TENM2: variants seen among roughly 807,000 people sequenced by gnomAD.
The protein encoded by TENM2 is teneurin transmembrane protein 2.
In TENM2, 52 loss-of-function variants were observed where a neutral mutation model predicts 245.2. The observed-to-expected ratio is 0.21, with a 90% CI of 0.17 to 0.27. The LOEUF is 0.27. Among genes scored for constraint, TENM2 ranks in the 10% least tolerant of loss-of-function variants. The pLI, the probability that TENM2 is intolerant of heterozygous loss-of-function variation, is 1.00. For synonymous variants in TENM2, 1,363 were observed against 1,438.9 expected (o/e 0.95, Z 1.19); for missense variants, 3,046 against 3,666.8 (o/e 0.83, Z 4.37).
intron 2 of TENM2, among the ~76,000 whole-genome samples, chr5:167,407,025 A>G (rs1561930210): frequency 6.6e-6 from 1 of 152,294 alleles, no homozygotes; most frequent in Non-Finnish European, 1.5e-5. Flanking sequence ...CACAGCAGCA[A>G]TTGAGATGAG....
intron 2 of TENM2, among the ~76,000 whole-genome samples, chr5:167,382,279 G>A (rs967435663): frequency 1.3e-5 from 2 of 152,152 alleles, no homozygotes; most frequent in East Asian, 3.9e-4. Context: ...TCCAGCAAAT[G>A]GTTTATGGGG....
intron 2 of TENM2, among the ~76,000 whole-genome samples, chr5:167,527,245 G>A (rs987642837): frequency 6.6e-6 from 1 of 152,224 alleles, no homozygotes; most frequent in Non-Finnish European, 1.5e-5. Context: ...AGGCCCTCAT[G>A]CACAGGCAAG....
At chr5:167,840,433 A>G (rs997763502) in intron 2 of TENM2, among the ~76,000 whole-genome samples, 3 of 152,226 alleles carry the variant, frequency 2.0e-5, no homozygotes, top group Non-Finnish European at 2.9e-5. Flanking sequence ...AGATCCTGTT[A>G]TAACTGAATG....
At chr5:167,003,600 G>A in the TENM2 span, among the ~76,000 whole-genome samples, 56 of 152,246 alleles carry the variant, frequency 3.7e-4, no homozygotes, top group African/African-American at 1.3e-3. Context: ...GTGTGTGTTT[G>A]TGATTGACAA....
chr5:168,228,895 CA>C lies in TENM2; in HGVS notation c.5520+766del, dbSNP rs752408957. Among the ~76,000 whole-genome samples the C allele has an allele frequency of 3.0e-3, 437 of 147,016 alleles. 2 individuals are homozygous for C. The highest frequency in any genetic ancestry group is 5.5e-3 in the Admixed American group (81 of 14,662). On this transcript the variant is annotated intron_variant, in intron 25 of 28. Transcript: ENST00000518659. ...TATTATATAATGTAATTTTATATTA[CA>C]TTTTTATATTATAATGTAAACCCTA...
intron 2 of TENM2, among the ~76,000 whole-genome samples, chr5:167,617,758 A>G (rs955651176): frequency 1.3e-5 from 2 of 152,284 alleles, no homozygotes. Flanking sequence ...GTGAATATTC[A>G]AATGGAAAGA....
chr5:167,977,829 G>A lies in TENM2; in HGVS notation c.948-15115G>A, dbSNP rs867985220. ...GTTAACCATTTTATGACCATATTAT[G>A]TAGTTGGGATGTTTGTCCTCTCCAT... On this transcript the variant is annotated intron_variant, in intron 4 of 28. Coordinates refer to ENST00000518659, the Ensembl canonical transcript of TENM2. Among the ~76,000 whole-genome samples, 4 of 152,288 alleles carry A rather than the reference G, an allele frequency of 2.6e-5. No individual in the cohort carries two copies. In the South Asian group the frequency reaches 6.2e-4, roughly 24 times the overall value.
At chr5:167,962,386 A>C (rs1781080538) in intron 4 of TENM2, among the ~76,000 whole-genome samples, 2 of 152,236 alleles carry the variant, frequency 1.3e-5, no homozygotes, top group Non-Finnish European at 2.9e-5. Context: ...AGTTGTTGGC[A>C]GAAATCCAGC....
At chr5:167,087,410 G>A in the TENM2 span, among the ~76,000 whole-genome samples, 18 of 152,276 alleles carry the variant, frequency 1.2e-4, no homozygotes, top group African/African-American at 4.3e-4. Flanking sequence ...AAACTTGGCA[G>A]TCTTTCTGGT....
At chr5:167,323,492 G>A (rs1756892072) in intron 1 of TENM2, among the ~76,000 whole-genome samples, 1 of 152,042 alleles carries the variant, frequency 6.6e-6, no homozygotes, top group Non-Finnish European at 1.5e-5. Flanking sequence ...GTGCTGAGAT[G>A]TGTCCTCTGA....
chr5:167,343,219 G>T (rs976802381), intron 1 of TENM2, among the ~76,000 whole-genome samples: 1 of 152,000 alleles, frequency 6.6e-6, no homozygotes, highest in Non-Finnish European at 1.5e-5. Flanking sequence ...TTGCTTTCTG[G>T]AATTACAGGG....
At chr5:167,884,478 A>G (rs1774126990) in intron 3 of TENM2, among the ~76,000 whole-genome samples, 1 of 152,162 alleles carries the variant, frequency 6.6e-6, no homozygotes, top group African/African-American at 2.4e-5. Flanking sequence ...GGTACCTCAT[A>G]TCAATGGAAT....
intron 2 of TENM2, among the ~76,000 whole-genome samples, chr5:167,862,017 T>A (rs1464450906): frequency 6.6e-6 from 1 of 152,222 alleles, no homozygotes; most frequent in Non-Finnish European, 1.5e-5. Context: ...TCTAATTGTT[T>A]CCTGACACAT....
the TENM2 span, among the ~76,000 whole-genome samples, chr5:167,102,918 C>T: frequency 2.0e-5 from 3 of 152,164 alleles, no homozygotes; most frequent in East Asian, 1.9e-4. Context: ...CCTCGGCCTC[C>T]GAAAGTGCCG....
At chr5:167,788,745 T>G (rs1244262333) in intron 2 of TENM2, among the ~76,000 whole-genome samples, 1 of 152,176 alleles carries the variant, frequency 6.6e-6, no homozygotes, top group Admixed American at 6.5e-5. Flanking sequence ...GGTCCAGTCT[T>G]CTTTCTTATT....
chr5:167,206,028 G>A, the TENM2 span, among the ~76,000 whole-genome samples: 7 of 152,036 alleles, frequency 4.6e-5, no homozygotes, highest in East Asian at 1.9e-4. Context: ...CCAATTTCAC[G>A]GTCAAATGAT....
At chr5:167,074,701 T>G in the TENM2 span, among the ~76,000 whole-genome samples, 1 of 152,222 alleles carries the variant, frequency 6.6e-6, no homozygotes, top group Non-Finnish European at 1.5e-5. Context: ...GTTTTCCACA[T>G]TCCTCTTGCT....
At chr5:167,723,667 C>G (rs895239090) in intron 2 of TENM2, among the ~76,000 whole-genome samples, 2 of 152,184 alleles carry the variant, frequency 1.3e-5, no homozygotes, top group African/African-American at 4.8e-5. Flanking sequence ...GCTCCCACCT[C>G]AAGACCTCTG....
At chr5:167,355,679 A>G (rs1488743986) in intron 1 of TENM2, among the ~76,000 whole-genome samples, 4 of 152,168 alleles carry the variant, frequency 2.6e-5, no homozygotes, top group Non-Finnish European at 5.9e-5. Flanking sequence ...CTCAGATGAA[A>G]GCTCACAAAG....
Sources: gnomAD v4.1 joint callset for allele counts (sites outside exome capture counted in the v4.1 genomes callset) on GRCh38, gnomAD v4.1.1 for gene constraint, MANE v1.5 for transcripts, NCBI Gene and HGNC (gene_info 2026-07-23, HGNC 2026-07-21) for gene names.